The following RSPH1 variants were observed in gnomAD, a reference collection of about 807,000 sequenced individuals.
RSPH1 encodes radial spoke head component 1, also known as radial spoke head 1 homolog.
A neutral mutation model predicts 44.2 loss-of-function variants in RSPH1; 32 were observed. The observed-to-expected ratio is 0.72, with a 90% CI of 0.55 to 0.97. RSPH1 has a LOEUF of 0.97. Ranked by LOEUF, RSPH1 falls within the 50% of genes least tolerant of loss-of-function variation. The probability of loss-of-function intolerance (pLI) is 0.00; values close to 1 mark genes in which losing one functional copy is unlikely to be tolerated. For missense variants in RSPH1, 391 were observed against 398.7 expected, an observed-to-expected ratio of 0.98 and a Z score of 0.16; for synonymous variants, 134 against 147.3, an observed-to-expected ratio of 0.91 and a Z score of 0.65.
At chr21:42,482,190 T>C (rs1002994985) in intron 6 of RSPH1, among the ~76,000 whole-genome samples, 3 of 152,218 alleles carry the variant, frequency 2.0e-5, no homozygotes, top group Non-Finnish European at 4.4e-5. Context: ...TTTAAGCGAT[T>C]CTCCTGCCTC....
Position 42,472,663 on chromosome 21 carries a change from G to A in RSPH1, c.*155C>T, listed in dbSNP as rs979809407. ...CTGCCACCCAGGCTGGAGAGCAGTGGCGCGATCTCCACTCACTGCAACTGC... is the reference window on the plus strand; with the variant it reads ...CTGCCACCCAGGCTGGAGAGCAGTGACGCGATCTCCACTCACTGCAACTGC... On this transcript the variant is annotated 3_prime_UTR_variant, in exon 9 of 9. Transcript: ENST00000291536. 3 of 556,910 alleles carry A rather than the reference G, an allele frequency of 5.4e-6. No individual in the cohort carries two copies. Among genetic ancestry groups the A allele is most frequent in the South Asian group, 5.5e-5 (2 of 36,528 alleles). 34.5% of individuals were successfully genotyped at this position (556,910 alleles called of 1,614,324 possible). A position where few individuals can be genotyped will look rare whatever the true frequency, so the allele number is the denominator to read the frequency against.
At chr21:42,482,743 C>T in intron 5 of RSPH1, 35 bp from the exon 6 acceptor site, 1 of 1,499,112 alleles carries the variant, frequency 6.7e-7, no homozygotes, top group Non-Finnish European at 9.3e-7. Flanking sequence ...TAAGTGTCAA[C>T]ACCCAGCAGA....
chr21:42,487,893 C>A (rs2054195935), intron 3 of RSPH1, among the ~76,000 whole-genome samples: 1 of 152,206 alleles, frequency 6.6e-6, no homozygotes, highest in Admixed American at 6.5e-5. Flanking sequence ...CCTACAATGT[C>A]CTGGGCACTT....
intron 5 of RSPH1, among the ~76,000 whole-genome samples, chr21:42,483,510 T>C (rs765790756): frequency 2.6e-5 from 4 of 152,164 alleles, no homozygotes; most frequent in Non-Finnish European, 4.4e-5. Flanking sequence ...TTCACTTCAT[T>C]TCAGTTGTTA....
chr21:42,496,021 G>A (rs1371016451), intron 1 of RSPH1, 112 bp downstream of exon 1: 2 of 1,207,714 alleles, frequency 1.7e-6, no homozygotes, highest in African/African-American at 3.0e-5. Flanking sequence ...GGATCCTGGG[G>A]AGCTGTGGCT....
chr21:42,479,330 T>G (rs1375352910), intron 6 of RSPH1, among the ~76,000 whole-genome samples: 1 of 152,178 alleles, frequency 6.6e-6, no homozygotes, highest in Non-Finnish European at 1.5e-5. Flanking sequence ...CATTATTTCA[T>G]GGGTGGTTTT....
intron 6 of RSPH1, among the ~76,000 whole-genome samples, chr21:42,480,653 A>C (rs1349958247): frequency 6.6e-6 from 1 of 151,454 alleles, no homozygotes; most frequent in Non-Finnish European, 1.5e-5. Flanking sequence ...AAAAAAAAAA[A>C]AAAAAAAAAA....
At chr21:42,478,112 G>A (rs543671446) in intron 6 of RSPH1, among the ~76,000 whole-genome samples, 33 of 152,328 alleles carry the variant, frequency 2.2e-4, no homozygotes, top group East Asian at 5.8e-4. Context: ...GTACAATTCC[G>A]ACAATGGTGA....
rs771927264 is a variant in RSPH1, at chr21:42,474,632, T to C, written c.877+1266A>G. On this transcript the variant is annotated intron_variant, in intron 8 of 8. Coordinates refer to ENST00000291536, the MANE Select transcript of RSPH1 (RefSeq NM_080860.4). This position sits in a 1 kb window ranked among gnomAD's most constrained non-coding sequence, Gnocchi z 5.2. Reference sequence around the variant, plus strand: ...TCCTAACAGAATCCTGTGGACTCCCTACCTACCAGGGCTCACTCTATCCAC... The same window carrying C: ...TCCTAACAGAATCCTGTGGACTCCCCACCTACCAGGGCTCACTCTATCCAC... Among the ~76,000 whole-genome samples the C allele has an allele frequency of 2.6e-5, 4 of 152,210 alleles. No individual in the cohort carries two copies. The highest frequency in any genetic ancestry group is 4.8e-5 in the African/African-American group (2 of 41,450).
Position 42,493,034 on chromosome 21 carries a change from C to T in RSPH1, c.100G>A (p.Gly34Arg). The change falls in exon 2 of 9, where the codon GGG becomes AGG. Residue 34 changes from glycine (G) to arginine (R), a missense_variant. Transcript: ENST00000291536. ...RNEAGERHGR[G>R]RARLPNGDTY... is the part of the protein sequence containing the mutation. ...TCCCCGTTGGGTAGCCGTGCCCTCC[C>T]ACGTCCGTGCCTTTCGCCTGCCTCA... 1 of 1,614,182 alleles carries T rather than the reference C, an allele frequency of 6.2e-7. No homozygotes were observed. The highest frequency in any genetic ancestry group is 8.5e-7 in the Non-Finnish European group (1 of 1,180,036).
At chr21:42,487,916 G>A (rs904691458) in intron 3 of RSPH1, among the ~76,000 whole-genome samples, 10 of 152,180 alleles carry the variant, frequency 6.6e-5, no homozygotes, top group African/African-American at 2.2e-4. Context: ...TGAGATGAAC[G>A]AAGAGCTGTA....
intron 1 of RSPH1, among the ~76,000 whole-genome samples, chr21:42,494,155 G>C (rs774255930): frequency 1.3e-5 from 2 of 152,226 alleles, no homozygotes; most frequent in Non-Finnish European, 2.9e-5. Context: ...TGGGTATAGA[G>C]TGAATATAGT....
chr21:42,485,339 T>G (rs539928124), intron 5 of RSPH1: 7 of 266,226 alleles, frequency 2.6e-5, no homozygotes, highest in African/African-American at 1.3e-4. Flanking sequence ...AATAGATATT[T>G]GGTATCTGAT....
rs2054172721 is a variant in RSPH1 at position 42,485,678 on chromosome 21, C to G, written c.492G>C (p.Leu164Phe). The G allele has an allele frequency of 6.2e-7, 1 of 1,613,976 alleles. No individual in the cohort carries two copies. Among genetic ancestry groups the G allele is most frequent in the African/African-American group, 1.3e-5 (1 of 74,902 alleles). The stretch of plus-strand genomic sequence containing the variant: ...CTTCCCATGGACTTACATTTTTGTT[C>G]AAGAACTTGCCCTGGTACCTGTGGT... ...HLNHRYQGKF[L>F]NKNPVGPGKY... is the part of the protein sequence containing the mutation. Residue 164 changes from leucine to phenylalanine, a missense_variant, in exon 5 of 9, where the codon TTG (leucine) becomes TTC (phenylalanine). Leu to Phe is a conservative substitution (Grantham distance 22, BLOSUM62 0). Coordinates refer to ENST00000291536, the MANE Select transcript of RSPH1 (RefSeq NM_080860.4).
chr21:42,477,049 C>T lies in RSPH1; in HGVS notation c.727+242G>A, dbSNP rs28500621. Among the ~76,000 whole-genome samples, 152 of 69,550 alleles carry T rather than the reference C, an allele frequency of 2.2e-3. 2 individuals carry two copies. The highest frequency in any genetic ancestry group is 7.2e-3 in the Middle Eastern group (1 of 138). The allele number at this position is 69,550 out of a possible 152,430, so 45.6% of individuals were successfully genotyped here. A position where few individuals can be genotyped will look rare whatever the true frequency, so the allele number is the denominator to read the frequency against. On this transcript the variant is annotated intron_variant, in intron 7 of 8. Coordinates refer to ENST00000291536, the MANE Select transcript of RSPH1 (RefSeq NM_080860.4). ...TCTGTCCCACAGCCCGGGGGTGCCC[C>T]ACACCCTCTGCCCCCTCCACCCCAC...
At chr21:42,491,136 C>T (rs759725305) in intron 3 of RSPH1, among the ~76,000 whole-genome samples, 7 of 152,170 alleles carry the variant, frequency 4.6e-5, no homozygotes, top group Non-Finnish European at 1.0e-4. Flanking sequence ...GGCACATTAT[C>T]AAACCTGAGT....
At chr21:42,480,799 G>C (rs1056096902) in intron 6 of RSPH1, among the ~76,000 whole-genome samples, 11 of 152,168 alleles carry the variant, frequency 7.2e-5, no homozygotes, top group Admixed American at 2.0e-4. Context: ...GCACAGAGCA[G>C]GTGCGGGACA....
chr21:42,493,008 G>A lies in RSPH1; in HGVS notation c.126C>T (p.Asp42=). The A allele has an allele frequency of 1.2e-6, 2 of 1,614,194 alleles. No individual in the cohort carries two copies. Residue 42 remains aspartate, a synonymous_variant, in exon 2 of 9, where the codon GAC becomes GAT. Coordinates refer to ENST00000291536, the MANE Select transcript of RSPH1 (RefSeq NM_080860.4). ...CGAATTCGTAGCTCCCTTCGTAGGT[G>A]TCCCCGTTGGGTAGCCGTGCCCTCC... ...GRGRARLPNG[D]TYEGSYEFGK...
rs368082841 is a variant in RSPH1 at position 42,485,655 on chromosome 21, T to C, written c.501+14A>G. ...TTGTACTTCATTGGCAAATGTCACTTCCCATGGACTTACATTTTTGTTCAA... is the reference window on the plus strand; with the variant it reads ...TTGTACTTCATTGGCAAATGTCACTCCCCATGGACTTACATTTTTGTTCAA... On this transcript the variant is annotated intron_variant, in intron 5 of 8. Transcript: ENST00000291536. 295 of 1,614,010 alleles carry C rather than the reference T, an allele frequency of 1.8e-4. No homozygotes were observed. In the African/African-American group the frequency reaches 2.9e-3, roughly 16 times the overall value.
Sources: gnomAD v4.1 joint callset for allele counts (sites outside exome capture counted in the v4.1 genomes callset) on GRCh38, gnomAD v4.1.1 for gene constraint, Gnocchi (gnomAD v3.1) non-coding constraint, MANE v1.5 for transcripts, NCBI Gene and HGNC (gene_info 2026-07-23, HGNC 2026-07-21) for gene names.